MTOR: variants seen among roughly 807,000 people sequenced by gnomAD.
MTOR encodes the protein serine/threonine-protein kinase mTOR.
MTOR carries 70 observed loss-of-function variants against 319.8 expected under a neutral mutation model. The observed-to-expected ratio is 0.22, with a 90% CI of 0.18 to 0.27. The LOEUF is 0.27. MTOR is among the 10% of genes least tolerant of loss of function. MTOR has a pLI of 1.00. For synonymous variants in MTOR, 1,183 were observed against 1,211.4 expected (o/e 0.98, Z 0.49); for missense variants, 1,890 against 3,274.4 (o/e 0.58, Z 10.32).
intron 28 of MTOR, among the ~76,000 whole-genome samples, chr1:11,173,863 AT>A (rs992748588): frequency 4.6e-5 from 7 of 152,030 alleles, no homozygotes; most frequent in Non-Finnish European, 1.0e-4. Context: ...TGGGATCTTA[AT>A]TTTTTCTTCT....
In MTOR at chr1:11,144,686, G is replaced by A. The variant is rs2100506071; in HGVS notation, c.4834C>T (p.Arg1612Ter). The A allele has an allele frequency of 6.2e-7, 1 of 1,614,102 alleles. No homozygotes were observed. Among genetic ancestry groups the A allele is most frequent in the Non-Finnish European group, 8.5e-7 (1 of 1,180,020 alleles). Residue 1612 changes from arginine (R) to a stop codon, truncating the protein, a stop_gained, in exon 34 of 58, where the codon CGA becomes TGA. Transcript: ENST00000361445. LOFTEE classifies it high-confidence loss of function. The part of the protein sequence containing the change: ...VIQYKLVPER[R>*]EIIRQIWWER... Reference sequence around the variant, plus strand: ...CACCAGATCTGGCGGATGATCTCTCGTCGCTCGGGGACAAGTTTGTACTGG... The same window carrying A: ...CACCAGATCTGGCGGATGATCTCTCATCGCTCGGGGACAAGTTTGTACTGG...
chr1:11,247,425 T>C (rs1448164235), intron 8 of MTOR, among the ~76,000 whole-genome samples, 200 bp downstream of exon 8: 2 of 152,226 alleles, frequency 1.3e-5, no homozygotes, highest in Non-Finnish European at 2.9e-5. Flanking sequence ...TAGAATTGCC[T>C]CTCTGTTCTG....
At chr1:11,144,292 A>C (rs1340298564) in intron 34 of MTOR, 4 of 186,576 alleles carry the variant, frequency 2.1e-5, no homozygotes, top group Non-Finnish European at 4.6e-5. Flanking sequence ...TAGCCTGGGC[A>C]TCAGGATTTT....
rs1387213020 is a variant in MTOR at position 11,237,858 on chromosome 1, G to A, written c.2193C>T (p.Arg731=). ...MNPAFVMPFL[R]KMLIQILTEL... is the part of the protein sequence containing the mutation. ...CCTCGGTTACCTGGATGAGCATCTT[G>A]CGCAGGAAAGGCATGACAAAGGCAG... is the stretch of plus-strand genomic sequence containing the variant. The change falls in exon 13 of 58, where the codon CGC becomes CGT. Residue 731 remains arginine (R), a synonymous_variant. Transcript: ENST00000361445. The A allele has an allele frequency of 6.2e-7, 1 of 1,613,972 alleles. No individual in the cohort carries two copies. The highest frequency in any genetic ancestry group is 8.5e-7 in the Non-Finnish European group (1 of 1,180,040).
intron 5 of MTOR, among the ~76,000 whole-genome samples, chr1:11,255,381 CCAAAAAAAAA>C (rs1557494205): frequency 2.3e-5 from 1 of 43,012 alleles, no homozygotes. Flanking sequence ...GACTCCATCT[CCAAAAAAAAA>C]AAAAAAAAAA....
At chr1:11,139,006 C>T in intron 36 of MTOR, 2 of 327,150 alleles carry the variant, frequency 6.1e-6, no homozygotes, top group Non-Finnish European at 1.1e-5. Flanking sequence ...CCAAACAGTC[C>T]ATCTTCTCTT....
chr1:11,139,755 A>G (rs2100480012), intron 34 of MTOR, 97 bp from the exon 35 acceptor site: 1 of 1,496,684 alleles, frequency 6.7e-7, no homozygotes, highest in Non-Finnish European at 9.1e-7. Context: ...GCAGTGGTGC[A>G]ATCTTGGCTC....
intron 24 of MTOR, among the ~76,000 whole-genome samples, chr1:11,210,377 T>C (rs1167108561): frequency 6.6e-6 from 1 of 152,224 alleles, no homozygotes; most frequent in Non-Finnish European, 1.5e-5. Flanking sequence ...CTCAAACTCC[T>C]GGGCTCAAGC....
At chr1:11,196,150 C>T (rs1368776396) in intron 28 of MTOR, among the ~76,000 whole-genome samples, 1 of 152,110 alleles carries the variant, frequency 6.6e-6, no homozygotes, top group African/African-American at 2.4e-5. Context: ...AGGGCAGCAA[C>T]CAGGACAATT....
Position 11,121,600 on chromosome 1 carries a change from T to TA in MTOR, c.6811-233dup, listed in dbSNP as rs1261016844. Among the ~76,000 whole-genome samples the TA allele has an allele frequency of 6.6e-6, 1 of 152,250 alleles. No homozygotes were observed. Among genetic ancestry groups the TA allele is most frequent in the East Asian group, 1.9e-4 (1 of 5,204 alleles). On this transcript the variant is annotated intron_variant, in intron 48 of 57. Coordinates refer to ENST00000361445, the MANE Select transcript of MTOR (RefSeq NM_004958.4). This position sits in a 1 kb window ranked among gnomAD's most constrained non-coding sequence, Gnocchi z 4.9. ...AAAACACGAGACTTCACCTCAGTTA[T>TA]AGGCCTTCTGTGCAGATGAGAGTAC...
chr1:11,130,691 C>T lies in MTOR; in HGVS notation c.5451G>A (p.Leu1817=), dbSNP rs2100432149. 3.1e-6 allele frequency: 5 copies of T among 1,609,544 alleles called. 1 individual carries two copies. In the African/African-American group the frequency reaches 4.0e-5, roughly 13 times the overall value. ...TGATGTTGGCCCCGCTGGCATGACGCAGTTTCTTCTTCTCATCGCGGGCTT... is the reference window on the plus strand; with the variant it reads ...TGATGTTGGCCCCGCTGGCATGACGTAGTTTCTTCTTCTCATCGCGGGCTT... ...QNQARDEKKK[L]RHASGANITN... Residue 1817 remains leucine (L), a synonymous_variant, in exon 39 of 58, where the codon CTG becomes CTA. Transcript: ENST00000361445.
chr1:11,242,693 G>A (rs112391604), intron 9 of MTOR, among the ~76,000 whole-genome samples: 2 of 152,228 alleles, frequency 1.3e-5, no homozygotes, highest in African/African-American at 4.8e-5. Flanking sequence ...TATTTTATTC[G>A]CCAGGAGGTT....
chr1:11,236,414 C>T (rs1172931699), intron 13 of MTOR, among the ~76,000 whole-genome samples: 4 of 151,842 alleles, frequency 2.6e-5, no homozygotes, highest in Non-Finnish European at 5.9e-5. Context: ...GCTGGGATAA[C>T]AGACATGAGA....
chr1:11,185,747 T>G (rs1645298642), intron 28 of MTOR, among the ~76,000 whole-genome samples: 1 of 152,106 alleles, frequency 6.6e-6, no homozygotes, highest in Non-Finnish European at 1.5e-5. Context: ...GTGATGGACT[T>G]GGACTTTCAG....
Position 11,129,925 on chromosome 1 carries a change from C to G in MTOR, c.5614-87G>C. The G allele has an allele frequency of 9.0e-7, 1 of 1,106,762 alleles. No individual in the cohort carries two copies. Among genetic ancestry groups the G allele is most frequent in the South Asian group, 1.3e-5 (1 of 74,686 alleles). 68.6% of individuals were successfully genotyped at this position (1,106,762 alleles called of 1,614,324 possible). A position where few individuals can be genotyped will look rare whatever the true frequency, so the allele number is the denominator to read the frequency against. The stretch of plus-strand genomic sequence containing the variant: ...CATAAGAGCATACTAACTGTACCTA[C>G]TTCAAAGGGTGGTTATAACAATTAA... On this transcript the variant is annotated intron_variant, in intron 39 of 57. Transcript: ENST00000361445. The surrounding 1 kb of genome is among the most constrained non-coding windows in gnomAD (Gnocchi z 4.7).
chr1:11,259,226 T>C, intron 2 of MTOR, 22 bp downstream of exon 2: 1 of 1,610,852 alleles, frequency 6.2e-7, no homozygotes, highest in African/African-American at 1.3e-5. Context: ...CCACAATGAC[T>C]GGCCCCAGAT....
At chr1:11,171,719 A>G (rs1644819547) in intron 28 of MTOR, among the ~76,000 whole-genome samples, 1 of 152,076 alleles carries the variant, frequency 6.6e-6, no homozygotes, top group Non-Finnish European at 1.5e-5. Context: ...AAATGTAAAA[A>G]CATATGGCCT....
intron 33 of MTOR, 98 bp from the exon 34 acceptor site, chr1:11,144,853 C>T (rs888849387): frequency 3.4e-5 from 51 of 1,512,078 alleles, no homozygotes; most frequent in Admixed American, 1.2e-4. Context: ...GGGTATCTGC[C>T]GATCAGAGAA....
chr1:11,195,838 GT>G (rs1237007612), intron 28 of MTOR: 2 of 152,438 alleles, frequency 1.3e-5, no homozygotes, highest in East Asian at 1.9e-4. Flanking sequence ...GTAGGAAATG[GT>G]TGAAAACTGA....
Sources: gnomAD v4.1 joint callset for allele counts (sites outside exome capture counted in the v4.1 genomes callset) on GRCh38, gnomAD v4.1.1 for gene constraint, Gnocchi (gnomAD v3.1) non-coding constraint, MANE v1.5 for transcripts, NCBI Gene and HGNC (gene_info 2026-07-23, HGNC 2026-07-21) for gene names.